The following RFWD3 variants were observed in gnomAD, a reference collection of about 807,000 sequenced individuals.
RFWD3 encodes ring finger and WD repeat domain 3, also known as E3 ubiquitin-protein ligase RFWD3.
A neutral mutation model predicts 87.7 loss-of-function variants in RFWD3; 65 were observed. The ratio of observed to expected loss-of-function variants is 0.74; its 90% CI spans 0.61 to 0.91. The LOEUF is 0.91. RFWD3 is among the 40% of genes least tolerant of loss of function. The probability of loss-of-function intolerance (pLI) is 0.00; values close to 1 mark genes in which losing one functional copy is unlikely to be tolerated. For missense variants in RFWD3, 1,078 were observed against 938.5 expected, an observed-to-expected ratio of 1.15 and a Z score of -1.94; for synonymous variants, 433 against 352.8, an observed-to-expected ratio of 1.23 and a Z score of -2.55.
chr16:74,624,292 T>C (rs1222673978), intron 12 of RFWD3, among the ~76,000 whole-genome samples: 2 of 152,202 alleles, frequency 1.3e-5, no homozygotes, highest in Non-Finnish European at 2.9e-5. Flanking sequence ...TACCTGTAAG[T>C]GGACCTGAAA....
intron 1 of RFWD3, chr16:74,666,223 T>C (rs1453788696): frequency 2.7e-5 from 4 of 149,828 alleles, no homozygotes; most frequent in East Asian, 3.9e-4. Flanking sequence ...GATAGATAGA[T>C]TGATTAGATA....
chr16:74,653,632 G>C (rs765853617), intron 2 of RFWD3, among the ~76,000 whole-genome samples: 18 of 152,150 alleles, frequency 1.2e-4, no homozygotes, highest in Non-Finnish European at 2.2e-4. Flanking sequence ...AGCCAACAAA[G>C]TAAGACACCA....
At chr16:74,650,746 A>T (rs1053571758) in intron 3 of RFWD3, among the ~76,000 whole-genome samples, 2 of 152,182 alleles carry the variant, frequency 1.3e-5, no homozygotes, top group Non-Finnish European at 2.9e-5. Flanking sequence ...GTGTGGAGGC[A>T]TGCACATGTA....
At chr16:74,661,490 G>A in intron 1 of RFWD3, 39 bp from the exon 2 acceptor site, 1 of 1,480,150 alleles carries the variant, frequency 6.8e-7, no homozygotes, top group Non-Finnish European at 9.1e-7. Flanking sequence ...TAATAAAATA[G>A]ATAAAACATG....
chr16:74,644,977 T>G (rs557201350), intron 4 of RFWD3, among the ~76,000 whole-genome samples: 68 of 152,252 alleles, frequency 4.5e-4, no homozygotes, highest in South Asian at 8.3e-4. Flanking sequence ...TTTCCTTCAC[T>G]CAAAGGAAGA....
At position 74,649,247 on chromosome 16, in the gene RFWD3, A is replaced by G. The variant is rs745482501; in HGVS notation, c.722-45T>C. ...AATGACAGGAGAGGTAAAATACAAA[A>G]TAAGATATGTCAGGTATGAGAAGCT... is the stretch of plus-strand genomic sequence containing the variant. On this transcript the variant is annotated intron_variant, in intron 3 of 12. Transcript: ENST00000361070. The G allele has an allele frequency of 1.2e-5, 16 of 1,380,306 alleles. No individual in the cohort carries two copies. In the South Asian group the frequency reaches 1.5e-4, roughly 13 times the overall value. The allele number at this position is 1,380,306 out of a possible 1,614,324, so 85.5% of individuals were successfully genotyped here.
At chr16:74,666,048 G>A (rs1961866081) in intron 1 of RFWD3, among the ~76,000 whole-genome samples, 2 of 152,074 alleles carry the variant, frequency 1.3e-5, no homozygotes, top group South Asian at 4.2e-4. Context: ...AAGAGAGAGG[G>A]AGAGGGAGAG....
chr16:74,633,353 AAAAAAG>A (rs1016218070), intron 8 of RFWD3, among the ~76,000 whole-genome samples: 21 of 151,958 alleles, frequency 1.4e-4, no homozygotes, highest in African/African-American at 4.6e-4. Flanking sequence ...AGAAGAAAAA[AAAAAAG>A]AAAAAGTATA....
Position 74,661,388 on chromosome 16 carries a change from G to A in RFWD3, c.62C>T (p.Pro21Leu). The change falls in exon 2 of 13, where the codon CCA (proline) becomes CTA (leucine). Residue 21 changes from proline (P) to leucine (L), a missense_variant. Transcript: ENST00000361070. ...GCTGCTGGCCATGCCAGCAGGAGCT[G>A]GCTGTTGTTCGGCATGATTTAACTG... ...QVQLNHAEQQ[P>L]APAGMASSQG... is the part of the protein sequence containing the mutation. 6.2e-7 allele frequency: 1 copy of A among 1,614,018 alleles called. No individual in the cohort carries two copies. Among genetic ancestry groups the A allele is most frequent in the Non-Finnish European group, 8.5e-7 (1 of 1,179,986 alleles).
Position 74,644,564 on chromosome 16 carries a change from C to T in RFWD3, c.964G>A (p.Gly322Arg). 1 of 1,614,158 alleles carries T rather than the reference C, an allele frequency of 6.2e-7. No individual in the cohort carries two copies. The highest frequency in any genetic ancestry group is 8.5e-7 in the Non-Finnish European group (1 of 1,180,030). Reference protein sequence around the residue: ...GYRCISTWLKGQVRKCPQCNK... With the variant: ...GYRCISTWLKRQVRKCPQCNK... ...ACCTGGGGACATTTTCGTACTTGTC[C>T]TTTAAGCCACGTGGAAATGCACCTA... The change falls in exon 5 of 13, where the codon GGA becomes AGA. Residue 322 changes from glycine (G) to arginine (R), a missense_variant. By Grantham distance (125) the Gly-to-Arg change is moderately radical. Coordinates refer to ENST00000361070, the MANE Select transcript of RFWD3 (RefSeq NM_018124.4).
rs115213852 is a variant in RFWD3 at position 74,657,137 on chromosome 16, A to G, written c.518+3795T>C. On this transcript the variant is annotated intron_variant, in intron 2 of 12. Transcript: ENST00000361070. ...TTCCAGAGAACCACCAACAGGTCAT[A>G]TAAAGATAATTCTCTGGGAATGAGG... is the stretch of plus-strand genomic sequence containing the variant. Among the ~76,000 whole-genome samples the G allele has an allele frequency of 2.4e-3, 364 of 152,322 alleles. 1 individual carries two copies. The highest frequency in any genetic ancestry group is 8.3e-3 in the African/African-American group (346 of 41,578).
chr16:74,647,881 C>T (rs1213213015), intron 4 of RFWD3, among the ~76,000 whole-genome samples: 3 of 152,144 alleles, frequency 2.0e-5, no homozygotes, highest in South Asian at 2.1e-4. Flanking sequence ...CATGGGCCAC[C>T]GCGCCCAGCC....
intron 2 of RFWD3, 116 bp downstream of exon 2, chr16:74,660,816 G>A (rs1961365706): frequency 6.3e-6 from 7 of 1,115,172 alleles, no homozygotes; most frequent in Non-Finnish European, 9.0e-6. Context: ...AGGAACTGGG[G>A]GTCAGAAGTT....
At chr16:74,630,702 C>T (rs1959066735) in intron 10 of RFWD3, 79 bp downstream of exon 10, 3 of 1,273,842 alleles carry the variant, frequency 2.4e-6, no homozygotes, top group Non-Finnish European at 3.2e-6. Context: ...CTGTGGAACA[C>T]CCACTGAAGA....
At chr16:74,660,581 T>A (rs1375886827) in intron 2 of RFWD3, 1 of 208,102 alleles carries the variant, frequency 4.8e-6, no homozygotes, top group Non-Finnish European at 9.7e-6. Flanking sequence ...TGAAAGAAAA[T>A]TAATTAATTG....
At chr16:74,643,999 G>A (rs1421704016) in intron 6 of RFWD3, 6 of 284,782 alleles carry the variant, frequency 2.1e-5, no homozygotes, top group East Asian at 1.6e-4. Flanking sequence ...TTGTGCTTCC[G>A]AAATCCTGGT....
chr16:74,637,134 AAAAAAAAAAAAC>A (rs1423464449), intron 7 of RFWD3, among the ~76,000 whole-genome samples: 4 of 150,132 alleles, frequency 2.7e-5, no homozygotes. Context: ...AAAAAAAAAA[AAAAAAAAAAAAC>A]AACTTAAAAG....
intron 1 of RFWD3, 43 bp downstream of exon 1, chr16:74,666,743 G>A (rs1961960957): frequency 8.5e-6 from 1 of 117,048 alleles, no homozygotes; most frequent in Non-Finnish European, 1.9e-5. Context: ...TTATCCCGAA[G>A]CTAGAGGCCC....
intron 8 of RFWD3, among the ~76,000 whole-genome samples, chr16:74,633,796 G>A (rs1315811918): frequency 6.6e-6 from 1 of 151,876 alleles, no homozygotes; most frequent in Non-Finnish European, 1.5e-5. Flanking sequence ...CAAAAAATAT[G>A]AGAATTAGCT....
Sources: allele counts gnomAD v4.1 joint callset (sites outside exome capture counted in the v4.1 genomes callset), GRCh38; gene constraint gnomAD v4.1.1; transcripts MANE v1.5; gene names NCBI Gene and HGNC (gene_info 2026-07-23, HGNC 2026-07-21).